The following CALN1 variants were observed in gnomAD, a reference collection of about 807,000 sequenced individuals.
CALN1 encodes the protein calcium-binding protein 8.
Under a neutral mutation model 30.6 loss-of-function variants are expected in CALN1, and 17 were observed. That is an observed-to-expected ratio of 0.56 (90% CI 0.38 to 0.83). The LOEUF (loss-of-function observed/expected upper bound fraction) is 0.83. CALN1 is among the 40% of genes least tolerant of loss of function. The probability of loss-of-function intolerance (pLI) is 0.00; values close to 1 mark genes in which losing one functional copy is unlikely to be tolerated. For missense variants in CALN1, 291 were observed against 354.9 expected (o/e 0.82, Z 1.45); for synonymous variants, 156 against 131.4 (o/e 1.19, Z -1.28).
intron 3 of CALN1, among the ~76,000 whole-genome samples, chr7:72,187,743 G>T (rs1790306712): frequency 6.6e-6 from 1 of 152,116 alleles, no homozygotes; most frequent in Non-Finnish European, 1.5e-5. Flanking sequence ...CTCTTTTCGT[G>T]TATACGTGTG....
chr7:72,068,890 A>C (rs1804205196), intron 4 of CALN1, among the ~76,000 whole-genome samples: 1 of 152,236 alleles, frequency 6.6e-6, no homozygotes, highest in African/African-American at 2.4e-5. Flanking sequence ...TTAAACCATC[A>C]CATAGATGTA....
intron 4 of CALN1, among the ~76,000 whole-genome samples, chr7:72,038,501 A>G (rs976375884): frequency 1.7e-4 from 26 of 151,900 alleles, no homozygotes; most frequent in Admixed American, 1.6e-3. Flanking sequence ...TCAGTCTCCC[A>G]GAGTGCTAGT....
intron 5 of CALN1, among the ~76,000 whole-genome samples, chr7:72,016,019 C>CCGGCACATCACCTGAGGT (rs1479111012): frequency 6.6e-6 from 1 of 152,048 alleles, no homozygotes; most frequent in African/African-American, 2.4e-5. Context: ...GAGGCTGAGG[C>CCGGCACATCACCTGAGGT]CGGCACATCA....
intron 5 of CALN1, among the ~76,000 whole-genome samples, chr7:72,002,915 A>C (rs556628463): frequency 5.0e-4 from 76 of 152,294 alleles, no homozygotes; most frequent in African/African-American, 1.7e-3. Context: ...AGGTGGGGAG[A>C]TATTGAGGAA....
At chr7:71,830,363 T>C (rs1204794383) in intron 5 of CALN1, among the ~76,000 whole-genome samples, 12 of 147,594 alleles carry the variant, frequency 8.1e-5, no homozygotes, top group Non-Finnish European at 1.5e-5. Flanking sequence ...TTTTTCTTTT[T>C]TTGAGACAGA....
rs1308061946 is a variant in CALN1 at position 71,810,394 on chromosome 7, G to C, written c.600C>G (p.Ile200Met). 3 of 1,614,010 alleles carry C rather than the reference G, an allele frequency of 1.9e-6. No homozygotes were observed. In the African/African-American group the frequency reaches 4.0e-5, roughly 22 times the overall value. ...TCTCATTCAGGCTCTCTTCCTCATT[G>C]ATAATGATGTTCTCAATGTCCTTCA... ...LTMKDIENII[I>M]NEEESLNETS... The change falls in exon 6 of 7, where the codon ATC becomes ATG. Residue 200 changes from isoleucine to methionine, a missense_variant. This residue lies in a region of CALN1 where 169 missense variants were observed against 251.7 expected (regional missense o/e 0.67). Transcript: ENST00000395275.
In CALN1 at chr7:72,403,292, T is replaced by TC. The variant is rs1377812370; in HGVS notation, c.77dup (p.Glu27ArgfsTer42). ...GGGCCTGGCTCCTCGGCGGCTCCTC[T>TC]CCCCCTCCGAGGGCTCCTCCGTCCC... is the stretch of plus-strand genomic sequence containing the variant. On this transcript the variant is annotated frameshift_variant, in exon 2 of 7. Transcript: ENST00000395275. LOFTEE classifies it high-confidence loss of function. The TC allele has an allele frequency of 6.5e-7, 1 of 1,550,094 alleles. No individual in the cohort carries two copies. Among genetic ancestry groups the TC allele is most frequent in the South Asian group, 1.2e-5 (1 of 84,026 alleles).
chr7:72,276,458 G>C (rs1914384), intron 3 of CALN1, among the ~76,000 whole-genome samples: 28,710 of 152,086 alleles, frequency 0.19, 3,770 homozygotes, highest in East Asian at 0.43. Flanking sequence ...GAGGTGATTA[G>C]GAGGGAGCAG....
chr7:72,309,544 C>T (rs965990151), intron 2 of CALN1, among the ~76,000 whole-genome samples: 1 of 152,054 alleles, frequency 6.6e-6, no homozygotes, highest in Non-Finnish European at 1.5e-5. Context: ...ACTCAAGGAA[C>T]GGCAACATGC....
chr7:72,072,020 CAT>C (rs1804430480), intron 4 of CALN1, among the ~76,000 whole-genome samples: 2 of 152,082 alleles, frequency 1.3e-5, no homozygotes. Flanking sequence ...GCAAACAGAA[CAT>C]AAAGTATGTG....
At chr7:71,842,317 C>T (rs1789985697) in intron 5 of CALN1, among the ~76,000 whole-genome samples, 1 of 152,238 alleles carries the variant, frequency 6.6e-6, no homozygotes, top group South Asian at 2.1e-4. Flanking sequence ...GAGGACCCTG[C>T]TTTGTCCTGA....
intron 4 of CALN1, among the ~76,000 whole-genome samples, chr7:72,037,174 G>A (rs953488025): frequency 1.3e-5 from 2 of 150,396 alleles, no homozygotes; most frequent in East Asian, 2.0e-4. Flanking sequence ...TTTTTGAGAC[G>A]CAGTCTCGCA....
chr7:71,957,000 A>G lies in CALN1; in HGVS notation c.501+66657T>C, dbSNP rs552535656. Among the ~76,000 whole-genome samples the G allele has an allele frequency of 9.9e-5, 15 of 152,224 alleles. No homozygotes were observed. The South Asian group carries it at 3.1e-3, about 32-fold the overall frequency. On this transcript the variant is annotated intron_variant, in intron 5 of 6. Coordinates refer to ENST00000395275, the MANE Select transcript of CALN1 (RefSeq NM_031468.4). ...GGTGTGAGCCACCACACCCAGCCCT[A>G]TACTTTATTTTTTTGATAGTCAATC...
At chr7:72,410,776 T>G (rs1450063215) in intron 1 of CALN1, among the ~76,000 whole-genome samples, 2 of 151,848 alleles carry the variant, frequency 1.3e-5, no homozygotes, top group African/African-American at 4.8e-5. Flanking sequence ...TACACACACC[T>G]CCGTATCAGC....
intron 3 of CALN1, among the ~76,000 whole-genome samples, chr7:72,204,932 C>A (rs74794250): frequency 6.6e-6 from 1 of 152,024 alleles, no homozygotes; most frequent in Non-Finnish European, 1.5e-5. Context: ...AAATTCCATA[C>A]CAAAAAATTC....
chr7:72,054,466 T>C lies in CALN1; in HGVS notation c.389-30697A>G, dbSNP rs1458250370. The stretch of plus-strand genomic sequence containing the variant: ...ATATATACATATATATACATATATA[T>C]ACATATATACATACATATATATATA... On this transcript the variant is annotated intron_variant, in intron 4 of 6. Coordinates refer to ENST00000395275, the MANE Select transcript of CALN1 (RefSeq NM_031468.4). Among the ~76,000 whole-genome samples the C allele has an allele frequency of 5.6e-4, 73 of 129,562 alleles. 6 individuals are homozygous for C. The highest frequency in any genetic ancestry group is 4.0e-3 in the South Asian group (16 of 4,020). 85.0% of individuals were successfully genotyped at this position (129,562 alleles called of 152,430 possible).
the CALN1 span, among the ~76,000 whole-genome samples, chr7:72,488,366 G>T: frequency 4.6e-5 from 7 of 151,930 alleles, no homozygotes; most frequent in African/African-American, 1.2e-4. Flanking sequence ...GCAAGATCCT[G>T]TCTCAAAAGA....
intron 4 of CALN1, among the ~76,000 whole-genome samples, chr7:72,037,600 G>A (rs1801879312): frequency 1.3e-5 from 2 of 152,198 alleles, no homozygotes; most frequent in Non-Finnish European, 2.9e-5. Flanking sequence ...GCAATCATCA[G>A]TGACCAGAAC....
At chr7:72,353,479 C>G (rs551222153) in intron 2 of CALN1, among the ~76,000 whole-genome samples, 1 of 151,990 alleles carries the variant, frequency 6.6e-6, no homozygotes, top group South Asian at 2.1e-4. Context: ...GAAAAAATTA[C>G]AATCATCCTA....
Sources: gnomAD v4.1 joint callset for allele counts (sites outside exome capture counted in the v4.1 genomes callset) on GRCh38, gnomAD v4.1.1 for gene constraint, gnomAD v4.1.1 regional missense constraint, MANE v1.5 for transcripts, NCBI Gene and HGNC (gene_info 2026-07-23, HGNC 2026-07-21) for gene names.